Variants in SYNM observed in about 807,000 individuals in gnomAD.
SYNM encodes synemin.
SYNM carries 95 observed loss-of-function variants against 104.0 expected under a neutral mutation model. That is an observed-to-expected ratio of 0.91 (90% CI 0.77 to 1.08). The LOEUF (loss-of-function observed/expected upper bound fraction) is 1.08. SYNM is among the 50% of genes least tolerant of loss of function. The pLI, the probability that SYNM is intolerant of heterozygous loss-of-function variation, is 0.00. For synonymous variants in SYNM, 918 were observed against 869.0 expected (o/e 1.06, Z -0.99); for missense variants, 2,150 against 2,052.2 (o/e 1.05, Z -0.92).
chr15:99,119,139 A>G (rs1343381085), intron 2 of SYNM, among the ~76,000 whole-genome samples: 1 of 152,096 alleles, frequency 6.6e-6, no homozygotes, highest in Non-Finnish European at 1.5e-5. Context: ...GGGGACAGGG[A>G]GGGACTGCAC....
intron 1 of SYNM, among the ~76,000 whole-genome samples, chr15:99,109,070 C>T (rs1555483166): frequency 2.0e-5 from 3 of 152,184 alleles, no homozygotes; most frequent in South Asian, 2.1e-4. Flanking sequence ...GTGCCCAGCT[C>T]TCCCTGCCTC....
In SYNM at chr15:99,122,212, AG is replaced by A. The variant is rs199847899; in HGVS notation, c.936-4509del. Among the ~76,000 whole-genome samples the A allele has an allele frequency of 3.1e-3, 466 of 152,350 alleles. 9 individuals are homozygous for A. The highest frequency in any genetic ancestry group is 0.023 in the Admixed American group (349 of 15,302). On this transcript the variant is annotated intron_variant, in intron 2 of 3. Transcript: ENST00000336292. ...TTTCTTCTTTCTGATCCCAGTTGGC[AG>A]AAGCAGCGTGTTTTAATGGAGAAAA...
downstream of SYNM, chr15:99,139,448 A>C: frequency 6.2e-7 from 1 of 1,612,770 alleles, no homozygotes; most frequent in Non-Finnish European, 8.5e-7. Context: ...TGTCGCTGAG[A>C]GCAGGAAACT....
chr15:99,106,079 C>G, intron 1 of SYNM, 70 bp downstream of exon 1: 1 of 1,331,390 alleles, frequency 7.5e-7, no homozygotes, highest in Non-Finnish European at 9.6e-7. Flanking sequence ...CCCTTGACGG[C>G]GTGGGGCAGC....
intron 2 of SYNM, among the ~76,000 whole-genome samples, chr15:99,119,789 T>A (rs1406980345): frequency 1.3e-5 from 2 of 152,254 alleles, no homozygotes; most frequent in East Asian, 3.8e-4. Flanking sequence ...TTTCCCAACA[T>A]TTTGTTATGA....
intron 2 of SYNM, among the ~76,000 whole-genome samples, chr15:99,120,831 G>C (rs1360431426): frequency 6.6e-6 from 1 of 152,138 alleles, no homozygotes; most frequent in Non-Finnish European, 1.5e-5. Context: ...AGAGGAGAGA[G>C]GGAGAGGGAC....
downstream of SYNM, chr15:99,139,195 T>A (rs1250159939): frequency 1.6e-6 from 2 of 1,262,468 alleles, no homozygotes; most frequent in Non-Finnish European, 2.2e-6. Flanking sequence ...TTTATGCAAG[T>A]TATGGGAAGT....
In SYNM at chr15:99,130,427, G is replaced by A. The variant is rs1555485602; in HGVS notation, c.2067G>A (p.Glu689=). 4 of 1,613,774 alleles carry A rather than the reference G, an allele frequency of 2.5e-6. No homozygotes were observed. In the Admixed American group the frequency reaches 5.0e-5, roughly 20 times the overall value. The change falls in exon 4 of 4, where the codon GAG becomes GAA. Residue 689 remains glutamate (E), a synonymous_variant. Transcript: ENST00000336292. ...AAACAAAGACTGAAATAGTTGTGGA[G>A]TCTAAACTGACTGAGGATGTTGATG... ...ERKTKTEIVV[E]SKLTEDVDVS...
At chr15:99,124,980 C>T (rs556366445) in intron 2 of SYNM, among the ~76,000 whole-genome samples, 3 of 152,322 alleles carry the variant, frequency 2.0e-5, no homozygotes, top group African/African-American at 4.8e-5. Context: ...TCGTGTGGGT[C>T]CTGAACTCTA....
Position 99,129,640 on chromosome 15 carries a change from C to G in SYNM, c.1280C>G (p.Thr427Ser). 1.2e-6 allele frequency: 2 copies of G among 1,613,960 alleles called. No homozygotes were observed. Among genetic ancestry groups the G allele is most frequent in the East Asian group, 4.5e-5 (2 of 44,884 alleles). Residue 427 changes from threonine (T) to serine (S), a missense_variant, in exon 4 of 4, where the codon ACT becomes AGT. Coordinates refer to ENST00000336292, the MANE Select transcript of SYNM (RefSeq NM_145728.3). Reference protein sequence around the residue: ...KAVSSQTNVRTFSPTYGLLRN... With the variant: ...KAVSSQTNVRSFSPTYGLLRN... ...GTCAGCAGTCAAACCAACGTCAGAA[C>G]TTTCTCTCCAACCTATGGCCTTTTA...
chr15:99,105,199 G>T lies in SYNM; in HGVS notation c.-1G>T. ...CGCGAGAACCCCGCACGCCCGGCAA[G>T]ATGCTGTCCTGGCGGCTGCAGACGG... On this transcript the variant is annotated 5_prime_UTR_variant, in exon 1 of 4. Transcript: ENST00000336292. 2 of 1,573,702 alleles carry T rather than the reference G, an allele frequency of 1.3e-6. No homozygotes were observed. Among genetic ancestry groups the T allele is most frequent in the Non-Finnish European group, 8.6e-7 (1 of 1,162,390 alleles).
chr15:99,130,656 G>A lies in SYNM; in HGVS notation c.2296G>A (p.Val766Ile), dbSNP rs371262435. ...CGGGGAGAAGCCGGAGGAGTTTTCCGTCCCATTCAAAGTGGAGGAGGTCGA... is the reference window on the plus strand; with the variant it reads ...CGGGGAGAAGCCGGAGGAGTTTTCCATCCCATTCAAAGTGGAGGAGGTCGA... ...VSGEKPEEFS[V>I]PFKVEEVEDV... is the part of the protein sequence containing the mutation. The change falls in exon 4 of 4, where the codon GTC becomes ATC. Residue 766 changes from valine (V) to isoleucine (I), a missense_variant. Val to Ile is a conservative substitution (Grantham distance 29). Transcript: ENST00000336292. The A allele has an allele frequency of 1.2e-4, 197 of 1,613,610 alleles. No homozygotes were observed. Among genetic ancestry groups the A allele is most frequent in the Non-Finnish European group, 1.6e-4 (183 of 1,179,776 alleles).
intron 2 of SYNM, among the ~76,000 whole-genome samples, chr15:99,125,118 A>G (rs1432653648): frequency 5.3e-5 from 8 of 152,190 alleles, no homozygotes; most frequent in African/African-American, 1.9e-4. Context: ...CTCAAGGGAG[A>G]GGCCCCGTGG....
chr15:99,125,428 T>C (rs1398289171), intron 2 of SYNM, among the ~76,000 whole-genome samples: 2 of 152,236 alleles, frequency 1.3e-5, no homozygotes, highest in Admixed American at 1.3e-4. Context: ...AGCGAAGGGC[T>C]GGGGCTCTGG....
chr15:99,132,498 C>T lies in SYNM; in HGVS notation c.4138C>T (p.Pro1380Ser). The part of the protein sequence containing the change: ...STFQSVVSES[P>S]QEDSAEDTSG... ...CTTCCAAAGTGTCGTTTCTGAATCT[C>T]CCCAGGAGGATAGTGCAGAGGACAC... The change falls in exon 4 of 4, where the codon CCC becomes TCC. Residue 1380 changes from proline to serine, a missense_variant. Transcript: ENST00000336292. The T allele has an allele frequency of 6.2e-7, 1 of 1,613,992 alleles. No individual in the cohort carries two copies. Among genetic ancestry groups the T allele is most frequent in the Non-Finnish European group, 8.5e-7 (1 of 1,179,884 alleles).
Position 99,105,260 on chromosome 15 carries a change from C to G in SYNM, c.61C>G (p.Arg21Gly), listed in dbSNP as rs913898773. Reference protein sequence around the residue: ...EKAELQELNARLYDYVCRVRE... With the variant: ...EKAELQELNAGLYDYVCRVRE... ...GGCCGAGCTCCAGGAGCTCAACGCC[C>G]GGCTCTATGACTACGTGTGTCGGGT... Residue 21 changes from arginine to glycine, a missense_variant, in exon 1 of 4, where the codon CGG becomes GGG. By Grantham distance (125) the Arg-to-Gly change is moderately radical. Coordinates refer to ENST00000336292, the MANE Select transcript of SYNM (RefSeq NM_145728.3). 1 of 1,565,618 alleles carries G rather than the reference C, an allele frequency of 6.4e-7. No homozygotes were observed. Among genetic ancestry groups the G allele is most frequent in the Non-Finnish European group, 8.6e-7 (1 of 1,156,076 alleles).
intron 2 of SYNM, among the ~76,000 whole-genome samples, chr15:99,115,040 C>A (rs1555483770): frequency 6.6e-6 from 1 of 152,190 alleles, no homozygotes; most frequent in African/African-American, 2.4e-5. Flanking sequence ...GCACCACTCT[C>A]CCCTCTTAGA....
At chr15:99,139,764 A>C (rs1330577439), downstream of SYNM, 6 of 1,308,104 alleles carry the variant, frequency 4.6e-6, no homozygotes, top group African/African-American at 9.1e-5. Flanking sequence ...ATTTAAAAAA[A>C]TAGTTTTGTT....
At position 99,130,035 on chromosome 15, in the gene SYNM, G is replaced by A. The variant is rs868967533; in HGVS notation, c.1675G>A (p.Glu559Lys). 2 of 1,613,808 alleles carry A rather than the reference G, an allele frequency of 1.2e-6. No homozygotes were observed. The highest frequency in any genetic ancestry group is 2.2e-5 in the South Asian group (2 of 91,018). ...ACAGAGAGAAAGCCAGCAGATGAAG[G>A]AGAAGGCTAAGGAGAAGGACTCACC... ...ARQRESQQMK[E>K]KAKEKDSPKE... Residue 559 changes from glutamate (E) to lysine (K), a missense_variant, in exon 4 of 4, where the codon GAG (glutamate) becomes AAG (lysine). Coordinates refer to ENST00000336292, the MANE Select transcript of SYNM (RefSeq NM_145728.3).
Sources: gnomAD v4.1 joint callset for allele counts (sites outside exome capture counted in the v4.1 genomes callset) on GRCh38, gnomAD v4.1.1 for gene constraint, MANE v1.5 for transcripts, NCBI Gene and HGNC (gene_info 2026-07-23, HGNC 2026-07-21) for gene names.